WWOX: variants seen among roughly 807,000 people sequenced by gnomAD.
WWOX encodes WW domain containing oxidoreductase.
In WWOX, 69 loss-of-function variants were observed where a neutral mutation model predicts 46.2. That is an observed-to-expected ratio of 1.49 (90% confidence interval 1.23 to 1.82). The LOEUF is 1.82. Ranked by LOEUF, WWOX falls within the 40% of genes most tolerant of loss-of-function variation. WWOX has a pLI of 0.00. For missense variants in WWOX, 919 were observed against 542.6 expected, an observed-to-expected ratio of 1.69 and a Z score of -6.89; for synonymous variants, 359 against 202.6, an observed-to-expected ratio of 1.77 and a Z score of -6.56.
chr16:78,260,830 G>C lies in WWOX; in HGVS notation c.516+96541G>C, dbSNP rs1406628438. Among the ~76,000 whole-genome samples, 3 of 149,792 alleles carry C rather than the reference G, an allele frequency of 2.0e-5. 1 individual carries two copies. The highest frequency in any genetic ancestry group is 4.4e-5 in the Non-Finnish European group (3 of 67,454). ...GGCGTGCCTGTAATCCCAGCTATTGGGGAGGCTGAGGCAGGAGAATCACTC... is the reference window on the plus strand; with the variant it reads ...GGCGTGCCTGTAATCCCAGCTATTGCGGAGGCTGAGGCAGGAGAATCACTC... On this transcript the variant is annotated intron_variant, in intron 5 of 8. Coordinates refer to ENST00000566780, the MANE Select transcript of WWOX (RefSeq NM_016373.4).
chr16:78,531,097 T>A (rs1432415007), intron 8 of WWOX, among the ~76,000 whole-genome samples: 2 of 152,232 alleles, frequency 1.3e-5, no homozygotes, highest in African/African-American at 4.8e-5. Context: ...TCTTTGGAGT[T>A]GTTTGCATTT....
intron 8 of WWOX, among the ~76,000 whole-genome samples, chr16:78,594,819 T>C (rs1231051720): frequency 6.6e-6 from 1 of 152,204 alleles, no homozygotes; most frequent in Non-Finnish European, 1.5e-5. Context: ...GGGATGTAAA[T>C]TAAAGCAATT....
At chr16:78,561,032 C>T (rs921767261) in intron 8 of WWOX, among the ~76,000 whole-genome samples, 1 of 152,178 alleles carries the variant, frequency 6.6e-6, no homozygotes, top group African/African-American at 2.4e-5. Context: ...GGAGGAACAT[C>T]CTTTCCTGCA....
chr16:78,757,959 A>G (rs2049697035), intron 8 of WWOX, among the ~76,000 whole-genome samples: 1 of 152,118 alleles, frequency 6.6e-6, no homozygotes, highest in African/African-American at 2.4e-5. Context: ...TTGGGGGGAC[A>G]CATTGATTCC....
intron 8 of WWOX, among the ~76,000 whole-genome samples, chr16:79,186,496 G>T (rs2051018111): frequency 6.6e-6 from 1 of 152,148 alleles, no homozygotes; most frequent in South Asian, 2.1e-4. Context: ...TTTGTTATCA[G>T]GACACTGGTC....
At chr16:78,956,075 C>T (rs75919643) in intron 8 of WWOX, among the ~76,000 whole-genome samples, 9,437 of 152,156 alleles carry the variant, frequency 0.062, 414 homozygotes, top group Admixed American at 0.084. Context: ...AGAGAGTTCC[C>T]GTATACCTCC....
chr16:78,904,294 A>G (rs535054939), intron 8 of WWOX, among the ~76,000 whole-genome samples: 9 of 133,058 alleles, frequency 6.8e-5, no homozygotes, highest in Non-Finnish European at 1.4e-4. Context: ...GCTGGAGTGC[A>G]CTGGCATGAT....
chr16:79,177,038 G>C (rs568679794), intron 8 of WWOX, among the ~76,000 whole-genome samples: 1 of 151,970 alleles, frequency 6.6e-6, no homozygotes, highest in Non-Finnish European at 1.5e-5. Flanking sequence ...TTATTAGGTG[G>C]GCATAATTGC....
chr16:78,230,128 C>T (rs1365787027), intron 5 of WWOX, among the ~76,000 whole-genome samples: 1 of 151,204 alleles, frequency 6.6e-6, no homozygotes, highest in African/African-American at 2.4e-5. Context: ...AATCCTCCCA[C>T]CTCGGCCTCC....
At chr16:78,786,795 G>A (rs530873223) in intron 8 of WWOX, among the ~76,000 whole-genome samples, 2 of 152,192 alleles carry the variant, frequency 1.3e-5, no homozygotes, top group Non-Finnish European at 2.9e-5. Context: ...TGCCAAGAAT[G>A]TTTCTAATAC....
At chr16:78,993,109 G>A (rs950336172) in intron 8 of WWOX, among the ~76,000 whole-genome samples, 4 of 152,020 alleles carry the variant, frequency 2.6e-5, no homozygotes, top group Non-Finnish European at 4.4e-5. Context: ...TTGTGGAAAT[G>A]TGATGTGTGT....
At chr16:78,310,758 C>G (rs2080225669) in intron 5 of WWOX, among the ~76,000 whole-genome samples, 1 of 152,226 alleles carries the variant, frequency 6.6e-6, no homozygotes, top group Non-Finnish European at 1.5e-5. Flanking sequence ...CTCACCTTTG[C>G]TTGCTCTCAC....
intron 8 of WWOX, among the ~76,000 whole-genome samples, chr16:79,187,276 A>G (rs1367214312): frequency 2.0e-5 from 3 of 152,210 alleles, no homozygotes; most frequent in African/African-American, 7.2e-5. Flanking sequence ...GTGCTTATCT[A>G]TAGTGGTTAT....
chr16:78,702,802 C>T (rs1321758916), intron 8 of WWOX, among the ~76,000 whole-genome samples: 2 of 152,170 alleles, frequency 1.3e-5, no homozygotes, highest in Admixed American at 6.5e-5. Flanking sequence ...TGGAGAAGCT[C>T]TGTGTGCTGC....
chr16:78,161,232 T>C lies in WWOX; in HGVS notation c.410-2951T>C, dbSNP rs563184051. 5.9e-5 allele frequency among the ~76,000 whole-genome samples: 9 copies of C among 152,316 alleles called. 1 individual carries two copies. The highest frequency in any genetic ancestry group is 2.2e-4 in the African/African-American group (9 of 41,582). ...ATATGTATATTTATGTTTTCTTCAGTCTGACAAACTTTTTCTTTTAATTGC... is the reference window on the plus strand; with the variant it reads ...ATATGTATATTTATGTTTTCTTCAGCCTGACAAACTTTTTCTTTTAATTGC... On this transcript the variant is annotated intron_variant, in intron 4 of 8. Coordinates refer to ENST00000566780, the MANE Select transcript of WWOX (RefSeq NM_016373.4).
intron 8 of WWOX, among the ~76,000 whole-genome samples, chr16:79,125,788 G>T (rs764246540): frequency 1.9e-4 from 29 of 152,194 alleles, no homozygotes; most frequent in Non-Finnish European, 3.8e-4. Context: ...AGCCCCTTGT[G>T]CTAAATTGAA....
chr16:78,967,822 G>C (rs772456858), intron 8 of WWOX, among the ~76,000 whole-genome samples: 3 of 152,118 alleles, frequency 2.0e-5, no homozygotes, highest in Non-Finnish European at 2.9e-5. Context: ...GAGGCAGGAT[G>C]GGAGAGGATG....
chr16:78,943,829 G>A (rs2045898813), intron 8 of WWOX, among the ~76,000 whole-genome samples: 1 of 152,148 alleles, frequency 6.6e-6, no homozygotes, highest in East Asian at 1.9e-4. Flanking sequence ...GGACTAAATG[G>A]CTCCCCGATG....
intron 8 of WWOX, among the ~76,000 whole-genome samples, chr16:78,606,691 C>G (rs564237859): frequency 1.4e-5 from 2 of 146,156 alleles, no homozygotes; most frequent in African/African-American, 2.6e-5. Context: ...ATTAGGACGA[C>G]TGAAAGGGCA....
Sources: allele counts gnomAD v4.1 joint callset (sites outside exome capture counted in the v4.1 genomes callset), GRCh38; gene constraint gnomAD v4.1.1; transcripts MANE v1.5; gene names NCBI Gene and HGNC (gene_info 2026-07-23, HGNC 2026-07-21).